Variants in LNX2 observed in about 807,000 individuals in gnomAD.
LNX2 encodes the protein ligand of Numb protein X 2.
Under a neutral mutation model 66.2 loss-of-function variants are expected in LNX2, and 35 were observed. That is an observed-to-expected ratio of 0.53 (90% CI 0.40 to 0.70). LNX2 has a LOEUF of 0.70. Among genes scored for constraint, LNX2 ranks in the 30% least tolerant of loss-of-function variants. The probability of loss-of-function intolerance (pLI) is 0.00; values close to 1 mark genes in which losing one functional copy is unlikely to be tolerated. For synonymous variants in LNX2, 337 were observed against 315.6 expected, an observed-to-expected ratio of 1.07 and a Z score of -0.72; for missense variants, 791 against 850.8, an observed-to-expected ratio of 0.93 and a Z score of 0.87.
rs1483986402 is a variant in LNX2, at chr13:27,567,682, A to G, written c.813T>C (p.Ile271=). The change falls in exon 4 of 10, where the codon ATT becomes ATC. Residue 271 remains isoleucine, a synonymous_variant. Transcript: ENST00000316334. Reference sequence around the variant, plus strand: ...CAGCAAGAAGTCTCCCGTCTCTGGCAATGACCCCATCCCGATAGACCTCCT... The same window carrying G: ...CAGCAAGAAGTCTCCCGTCTCTGGCGATGACCCCATCCCGATAGACCTCCT... ...VIQEVYRDGV[I]ARDGRLLAGD... is the part of the protein sequence containing the mutation. 1 of 1,613,978 alleles carries G rather than the reference A, an allele frequency of 6.2e-7. No individual in the cohort carries two copies. Among genetic ancestry groups the G allele is most frequent in the East Asian group, 2.2e-5 (1 of 44,886 alleles).
intron 1 of LNX2, among the ~76,000 whole-genome samples, chr13:27,586,047 CATATACTT>C (rs200120356): frequency 2.2e-3 from 320 of 147,566 alleles, no homozygotes; most frequent in African/African-American, 7.5e-3. Flanking sequence ...CTTATATATA[CATATACTT>C]ATATATATAA....
chr13:27,580,720 C>G (rs939325303), intron 2 of LNX2, among the ~76,000 whole-genome samples: 1 of 152,146 alleles, frequency 6.6e-6, no homozygotes, highest in Non-Finnish European at 1.5e-5. Flanking sequence ...TTTACAAGAT[C>G]TTAGCAAATA....
intron 1 of LNX2, among the ~76,000 whole-genome samples, chr13:27,606,689 T>C (rs75830785): frequency 0.044 from 6,698 of 152,276 alleles, 210 homozygotes; most frequent in Non-Finnish European, 0.067. Context: ...CTAACAGCAG[T>C]CAACTCCAGG....
intron 8 of LNX2, among the ~76,000 whole-genome samples, chr13:27,552,422 T>C (rs1391104121): frequency 6.6e-6 from 1 of 152,242 alleles, no homozygotes; most frequent in African/African-American, 2.4e-5. Flanking sequence ...GCTCAGAAAA[T>C]AGCAAATTCT....
chr13:27,564,902 G>C (rs140866907), intron 4 of LNX2, among the ~76,000 whole-genome samples: 52 of 152,242 alleles, frequency 3.4e-4, no homozygotes, highest in African/African-American at 1.1e-3. Context: ...TGTGGGAAAG[G>C]GGGGTGGCTT....
chr13:27,601,021 A>G (rs1281894031), intron 1 of LNX2, among the ~76,000 whole-genome samples: 1 of 152,224 alleles, frequency 6.6e-6, no homozygotes, highest in Non-Finnish European at 1.5e-5. Flanking sequence ...AACAACCCGG[A>G]AGAGTCTTAT....
At chr13:27,560,547 G>A (rs1279600726) in intron 5 of LNX2, among the ~76,000 whole-genome samples, 3 of 98,834 alleles carry the variant, frequency 3.0e-5, no homozygotes, top group African/African-American at 1.3e-4. Context: ...TGCATAACAA[G>A]ACTTTATATG....
chr13:27,566,240 TAAGGATG>T (rs1955204401), intron 4 of LNX2, among the ~76,000 whole-genome samples: 1 of 152,098 alleles, frequency 6.6e-6, no homozygotes, highest in African/African-American at 2.4e-5. Flanking sequence ...ACAAAAGCTT[TAAGGATG>T]AAGGTGAACA....
At chr13:27,582,173 G>C (rs1955406361) in intron 1 of LNX2, among the ~76,000 whole-genome samples, 1 of 151,972 alleles carries the variant, frequency 6.6e-6, no homozygotes, top group Non-Finnish European at 1.5e-5. Context: ...GGTACTACAG[G>C]TGCACGCCAC....
At chr13:27,578,077 T>C (rs1386203705) in intron 2 of LNX2, among the ~76,000 whole-genome samples, 1 of 152,256 alleles carries the variant, frequency 6.6e-6, no homozygotes, top group Non-Finnish European at 1.5e-5. Flanking sequence ...TGTTCATCTT[T>C]CATAAATATT....
intron 1 of LNX2, among the ~76,000 whole-genome samples, chr13:27,609,418 C>T (rs936195292): frequency 3.4e-5 from 5 of 148,744 alleles, no homozygotes; most frequent in Admixed American, 6.7e-5. Context: ...GGCTTCCCAA[C>T]GTGCTGGGTT....
intron 1 of LNX2, among the ~76,000 whole-genome samples, chr13:27,599,751 G>C (rs997851286): frequency 2.0e-5 from 3 of 152,114 alleles, no homozygotes; most frequent in Admixed American, 6.5e-5. Context: ...AATTTCAAAG[G>C]CACCCCAAAG....
chr13:27,569,841 G>C (rs1344055425), intron 2 of LNX2, among the ~76,000 whole-genome samples: 1 of 152,108 alleles, frequency 6.6e-6, no homozygotes, highest in East Asian at 1.9e-4. Flanking sequence ...GACATGGAAA[G>C]AAAAATATGC....
At chr13:27,601,900 C>T (rs1404633586) in intron 1 of LNX2, among the ~76,000 whole-genome samples, 2 of 152,036 alleles carry the variant, frequency 1.3e-5, no homozygotes, top group Non-Finnish European at 2.9e-5. Context: ...CTAAAAAGTT[C>T]AACATTTTCA....
chr13:27,568,313 A>G (rs971609736), intron 3 of LNX2, among the ~76,000 whole-genome samples: 3 of 152,234 alleles, frequency 2.0e-5, no homozygotes, highest in Non-Finnish European at 4.4e-5. Flanking sequence ...AGTTGCGGCA[A>G]GGAAAATTCA....
chr13:27,568,114 A>G (rs1955228490), intron 3 of LNX2, among the ~76,000 whole-genome samples: 1 of 152,178 alleles, frequency 6.6e-6, no homozygotes, highest in South Asian at 2.1e-4. Context: ...ATATGAAAAG[A>G]AAGTCATTCT....
intron 1 of LNX2, among the ~76,000 whole-genome samples, chr13:27,591,880 G>C (rs1266428364): frequency 6.6e-6 from 1 of 152,224 alleles, no homozygotes; most frequent in Non-Finnish European, 1.5e-5. Flanking sequence ...TCACTGAGAA[G>C]GTGGCATTTG....
intron 1 of LNX2, among the ~76,000 whole-genome samples, chr13:27,601,562 T>C (rs1373740621): frequency 1.3e-5 from 2 of 152,170 alleles, no homozygotes; most frequent in Non-Finnish European, 2.9e-5. Flanking sequence ...TTCTCAAAAA[T>C]TCTCAGCCAT....
chr13:27,571,393 C>T (rs1405758013), intron 2 of LNX2, among the ~76,000 whole-genome samples: 3 of 152,166 alleles, frequency 2.0e-5, no homozygotes, highest in Non-Finnish European at 4.4e-5. Context: ...GATTATACTA[C>T]AAACATTTCT....
Sources: allele counts gnomAD v4.1 joint callset (sites outside exome capture counted in the v4.1 genomes callset), GRCh38; gene constraint gnomAD v4.1.1; transcripts MANE v1.5; gene names NCBI Gene and HGNC (gene_info 2026-07-23, HGNC 2026-07-21).